Variants in PYGL observed in about 807,000 individuals in gnomAD.
PYGL encodes the protein glycogen phosphorylase, liver form.
In PYGL, 90 loss-of-function variants were observed where a neutral mutation model predicts 100.1. That is an observed-to-expected ratio of 0.90 (90% CI 0.76 to 1.07). The LOEUF is 1.07. Ranked by LOEUF, PYGL falls within the 50% of genes least tolerant of loss-of-function variation. The probability of loss-of-function intolerance (pLI) is 0.00; values close to 1 mark genes in which losing one functional copy is unlikely to be tolerated. For missense variants in PYGL, 1,016 were observed against 1,057.6 expected, an observed-to-expected ratio of 0.96 and a Z score of 0.55; for synonymous variants, 373 against 393.0, an observed-to-expected ratio of 0.95 and a Z score of 0.60.
chr14:50,937,242 G>C (rs2050661417), intron 2 of PYGL, among the ~76,000 whole-genome samples: 1 of 152,208 alleles, frequency 6.6e-6, no homozygotes, highest in African/African-American at 2.4e-5. Flanking sequence ...AAGACTTCAA[G>C]CTTCTCCTTT....
Position 50,929,553 on chromosome 14 carries a change from C to CA in PYGL, c.528+2119dup, listed in dbSNP as rs928798779. Among the ~76,000 whole-genome samples the CA allele has an allele frequency of 3.7e-4, 55 of 148,072 alleles. No homozygotes were observed. The East Asian group carries it at 5.1e-3, about 14-fold the overall frequency. On this transcript the variant is annotated intron_variant, in intron 4 of 19. Transcript: ENST00000216392. ...ACGTAAGGGGAAAATATACCTGAGA[C>CA]AAAAAAAAAATTGAGATTTGTTTTC...
chr14:50,920,841 G>A (rs1246530129), intron 6 of PYGL, 115 bp downstream of exon 6: 2 of 1,161,736 alleles, frequency 1.7e-6, no homozygotes, highest in African/African-American at 3.1e-5. Context: ...AGTCAGTGAA[G>A]TTCAGATCAG....
At chr14:50,931,480 C>T (rs2050600192) in intron 4 of PYGL, among the ~76,000 whole-genome samples, 193 bp downstream of exon 4, 1 of 152,166 alleles carries the variant, frequency 6.6e-6, no homozygotes, top group African/African-American at 2.4e-5. Flanking sequence ...ATGAGTGATA[C>T]TGGAAGGCTC....
intron 17 of PYGL, 111 bp from the exon 18 acceptor site, chr14:50,909,066 A>T: frequency 8.2e-7 from 1 of 1,216,158 alleles, no homozygotes. Flanking sequence ...CAGAAATACT[A>T]GCATTCAAAG....
Position 50,911,989 on chromosome 14 carries a change from T to A in PYGL, c.1816A>T (p.Ile606Phe), listed in dbSNP as rs777794623. The A allele has an allele frequency of 2.5e-6, 4 of 1,613,730 alleles. No individual in the cohort carries two copies. In the South Asian group the frequency reaches 4.4e-5, roughly 18 times the overall value. Residue 606 changes from isoleucine to phenylalanine, a missense_variant, in exon 15 of 20, where the codon ATT becomes TTT. Transcript: ENST00000216392. ...TAGATTCAACTTACTTTACCACCAA[T>A]GATAACTGTCCTTGGCACGAATAAC... Reference protein sequence around the residue: ...KKLFVPRTVIIGGKAAPGYHM... With the variant: ...KKLFVPRTVIFGGKAAPGYHM...
chr14:50,906,190 T>G (rs889918372), intron 19 of PYGL, among the ~76,000 whole-genome samples: 1 of 152,172 alleles, frequency 6.6e-6, no homozygotes, highest in Non-Finnish European at 1.5e-5. Context: ...TAAAAGAATA[T>G]GATAAGAAGG....
rs192738497 is a variant in PYGL at position 50,942,183 on chromosome 14, C to T, written c.243+1978G>A. On this transcript the variant is annotated intron_variant, in intron 1 of 19. Coordinates refer to ENST00000216392, the MANE Select transcript of PYGL (RefSeq NM_002863.5). ...TGATGGAGTAGATATTTGATGAACA[C>T]GTGTGGAATGAAACATGTTCATTGT... Among the ~76,000 whole-genome samples the T allele has an allele frequency of 4.6e-3, 656 of 142,132 alleles. 43 individuals carry two copies. The highest frequency in any genetic ancestry group is 0.015 in the African/African-American group (625 of 40,880). The allele number at this position is 142,132 out of a possible 152,430, so 93.2% of individuals were successfully genotyped here. A position where few individuals can be genotyped will look rare whatever the true frequency, so the allele number is the denominator to read the frequency against.
intron 4 of PYGL, among the ~76,000 whole-genome samples, chr14:50,930,598 T>TC (rs2050593358): frequency 6.6e-6 from 1 of 152,178 alleles, no homozygotes; most frequent in African/African-American, 2.4e-5. Flanking sequence ...TTTTAGTTCC[T>TC]CCCTTTTTTG....
chr14:50,916,019 C>G, intron 9 of PYGL, 48 bp from the exon 10 acceptor site: 2 of 1,611,726 alleles, frequency 1.2e-6, no homozygotes, highest in Admixed American at 1.7e-5. Context: ...GTGGGCACCC[C>G]ACTGCACGGG....
In PYGL at chr14:50,905,518, T is replaced by TA; in HGVS notation, c.2417dup (p.Ala807SerfsTer9). On this transcript the variant is annotated frameshift_variant, in exon 20 of 20. Transcript: ENST00000216392. LOFTEE classifies it high-confidence loss of function. ...CACTGGAGAATTTCCCCGAGGCAGC[T>TA]ATGTTTTTGAGTACCATTGTGTTCC... The TA allele has an allele frequency of 6.2e-7, 1 of 1,614,100 alleles. No individual in the cohort carries two copies. Among genetic ancestry groups the TA allele is most frequent in the South Asian group, 1.1e-5 (1 of 91,080 alleles).
At chr14:50,921,704 A>C (rs1000576563) in intron 5 of PYGL, among the ~76,000 whole-genome samples, 1 of 152,186 alleles carries the variant, frequency 6.6e-6, no homozygotes, top group African/African-American at 2.4e-5. Flanking sequence ...TTCATGTTTC[A>C]GATAAAGCCA....
At chr14:50,921,692 C>A (rs1324794841) in intron 5 of PYGL, among the ~76,000 whole-genome samples, 1 of 152,128 alleles carries the variant, frequency 6.6e-6, no homozygotes, top group Non-Finnish European at 1.5e-5. Flanking sequence ...AAAAGTTTAT[C>A]TTTCATGTTT....
intron 5 of PYGL, chr14:50,923,687 C>CAA (rs762951824): frequency 0.085 from 10,162 of 118,990 alleles, 587 homozygotes; most frequent in African/African-American, 0.19. Flanking sequence ...AATTTTCTGG[C>CAA]AAAAAAAAAA....
At chr14:50,913,255 G>A (rs1057030766) in intron 12 of PYGL, 125 bp from the exon 13 acceptor site, 2 of 775,236 alleles carry the variant, frequency 2.6e-6, no homozygotes, top group African/African-American at 3.4e-5. Flanking sequence ...ACAGAACATG[G>A]GATAGTTTGA....
intron 7 of PYGL, 57 bp downstream of exon 7, chr14:50,920,484 G>A: frequency 6.9e-7 from 1 of 1,457,580 alleles, no homozygotes; most frequent in African/African-American, 1.4e-5. Context: ...TACTGAACAG[G>A]CTCTTGTGAA....
In PYGL at chr14:50,916,916, C is replaced by T. The variant is rs2050457353; in HGVS notation, c.999+46G>A. 1.9e-6 allele frequency: 3 copies of T among 1,601,658 alleles called. No individual in the cohort carries two copies. The African/African-American group carries it at 4.0e-5, about 21-fold the overall frequency. ...AATTAATCTGATAGGAAATCCCAGTCAATCCCTCAGTGGACCCTAACTGCA... is the reference window on the plus strand; with the variant it reads ...AATTAATCTGATAGGAAATCCCAGTTAATCCCTCAGTGGACCCTAACTGCA... On this transcript the variant is annotated intron_variant, in intron 8 of 19. Transcript: ENST00000216392.
chr14:50,907,681 A>T (rs751381397), intron 19 of PYGL, among the ~76,000 whole-genome samples: 3 of 152,206 alleles, frequency 2.0e-5, no homozygotes, highest in Non-Finnish European at 4.4e-5. Flanking sequence ...CTTCCAGGAC[A>T]TGTCTGCTAC....
intron 9 of PYGL, among the ~76,000 whole-genome samples, chr14:50,916,371 T>C (rs192610817): frequency 1.3e-5 from 2 of 152,328 alleles, no homozygotes; most frequent in Admixed American, 1.3e-4. Context: ...TAATTTTTAA[T>C]CTTTTTCAAC....
chr14:50,937,042 C>T (rs1294043591), intron 2 of PYGL, among the ~76,000 whole-genome samples: 3 of 152,088 alleles, frequency 2.0e-5, no homozygotes, highest in Admixed American at 2.0e-4. Context: ...CATGAGGGGA[C>T]AATCCCATGG....
Sources: gnomAD v4.1 joint callset for allele counts (sites outside exome capture counted in the v4.1 genomes callset) on GRCh38, gnomAD v4.1.1 for gene constraint, MANE v1.5 for transcripts, NCBI Gene and HGNC (gene_info 2026-07-23, HGNC 2026-07-21) for gene names.